Variants in CDH13 observed in about 807,000 individuals in gnomAD.
The protein encoded by CDH13 is cadherin-13.
In CDH13, 24 loss-of-function variants were observed where a neutral mutation model predicts 63.8. The ratio of observed to expected loss-of-function variants is 0.38; its 90% CI spans 0.27 to 0.53. The LOEUF is 0.53. Ranked by LOEUF, CDH13 falls within the 20% of genes least tolerant of loss-of-function variation. The pLI is 0.85. For missense variants in CDH13, 1,049 were observed against 903.1 expected, an observed-to-expected ratio of 1.16 and a Z score of -2.07; for synonymous variants, 503 against 355.3, an observed-to-expected ratio of 1.42 and a Z score of -4.67.
intron 2 of CDH13, among the ~76,000 whole-genome samples, chr16:82,995,279 G>C (rs921567388): frequency 1.3e-5 from 2 of 152,142 alleles, no homozygotes; most frequent in Non-Finnish European, 2.9e-5. Context: ...TGCTGGGCTC[G>C]TGGTCACTCA....
chr16:82,899,447 C>G (rs1165063965), intron 2 of CDH13, among the ~76,000 whole-genome samples: 2 of 152,158 alleles, frequency 1.3e-5, no homozygotes, highest in African/African-American at 4.8e-5. Flanking sequence ...TGGCACTTAA[C>G]TTTCAGAATC....
intron 1 of CDH13, among the ~76,000 whole-genome samples, chr16:82,674,732 G>A (rs1290952644): frequency 1.3e-5 from 2 of 152,186 alleles, no homozygotes; most frequent in African/African-American, 4.8e-5. Context: ...GTGGATGTTT[G>A]AGGTGGGGGC....
Position 83,015,677 on chromosome 16 carries a change from GTATATATATATATATATATA to G in CDH13, c.158-16306_158-16287del, listed in dbSNP as rs71148803. On this transcript the variant is annotated intron_variant, in intron 2 of 13. Coordinates refer to ENST00000567109, the MANE Select transcript of CDH13 (RefSeq NM_001257.5). ...CATATATGTGTGTGTGTGTGTGTAT[GTATATATATATATATATATA>G]TATATATATATATATATATATATAT... Among the ~76,000 whole-genome samples, 104 of 37,566 alleles carry G rather than the reference GTATATATATATATATATATA, an allele frequency of 2.8e-3. 7 individuals carry two copies. The highest frequency in any genetic ancestry group is 4.1e-3 in the Non-Finnish European group (85 of 20,610). The allele number at this position is 37,566 out of a possible 152,430, so 24.6% of individuals were successfully genotyped here.
chr16:83,677,408 C>T (rs1290644962), intron 9 of CDH13, among the ~76,000 whole-genome samples: 1 of 152,290 alleles, frequency 6.6e-6, no homozygotes, highest in Admixed American at 6.5e-5. Context: ...TGGGACTGTC[C>T]TGGGCATGGC....
intron 1 of CDH13, among the ~76,000 whole-genome samples, chr16:82,827,173 G>C (rs1323027497): frequency 6.6e-6 from 1 of 152,138 alleles, no homozygotes; most frequent in Non-Finnish European, 1.5e-5. Flanking sequence ...GTAAAATGTA[G>C]TTGTTGGACT....
At chr16:83,011,641 C>T (rs564865267) in intron 2 of CDH13, among the ~76,000 whole-genome samples, 66 of 152,294 alleles carry the variant, frequency 4.3e-4, no homozygotes, top group African/African-American at 1.2e-3. Context: ...AAGGTGAATG[C>T]CACTGAGGGT....
intron 2 of CDH13, among the ~76,000 whole-genome samples, chr16:83,013,323 G>A (rs1004478151): frequency 6.6e-6 from 1 of 152,134 alleles, no homozygotes; most frequent in African/African-American, 2.4e-5. Flanking sequence ...CTCCTGGTTT[G>A]GAGGCCTGAC....
intron 2 of CDH13, among the ~76,000 whole-genome samples, chr16:82,968,211 G>A (rs138648815): frequency 1.2e-3 from 183 of 152,216 alleles, no homozygotes; most frequent in African/African-American, 4.2e-3. Flanking sequence ...ATTGTCCACC[G>A]TTTGTCCAGT....
rs146407577 is a variant in CDH13, at chr16:82,812,763, GT to G, written c.46-45589del. On this transcript the variant is annotated intron_variant, in intron 1 of 13. Transcript: ENST00000567109. ...TGGAGGTGGATGTAGAGAAAACAAA[GT>G]TTTTTTTTTCTTTCTTTTTTATTTC... Among the ~76,000 whole-genome samples, 231 of 150,122 alleles carry G rather than the reference GT, an allele frequency of 1.5e-3. 2 individuals carry two copies. The highest frequency in any genetic ancestry group is 5.1e-3 in the South Asian group (24 of 4,728).
At chr16:83,210,674 T>C (rs1312817493) in intron 4 of CDH13, among the ~76,000 whole-genome samples, 1 of 151,880 alleles carries the variant, frequency 6.6e-6, no homozygotes, top group Non-Finnish European at 1.5e-5. Flanking sequence ...TTGCAGAACT[T>C]GGCAACTCTG....
chr16:83,794,373 C>G (rs1386318382), intron 13 of CDH13, among the ~76,000 whole-genome samples: 2 of 151,786 alleles, frequency 1.3e-5, no homozygotes, highest in African/African-American at 2.4e-5. Flanking sequence ...GACAACATGG[C>G]GAAACTCCAT....
intron 8 of CDH13, among the ~76,000 whole-genome samples, chr16:83,646,724 C>CACAT (rs1161304727): frequency 2.1e-5 from 3 of 142,956 alleles, no homozygotes; most frequent in Non-Finnish European, 3.1e-5. Flanking sequence ...CACACACACA[C>CACAT]ACACACACAC....
chr16:82,838,943 G>C (rs1449872613), intron 1 of CDH13, among the ~76,000 whole-genome samples: 1 of 152,206 alleles, frequency 6.6e-6, no homozygotes, highest in African/African-American at 2.4e-5. Flanking sequence ...TTCAGACATT[G>C]CAGGCCATCC....
intron 6 of CDH13, among the ~76,000 whole-genome samples, chr16:83,458,941 C>G (rs992000365): frequency 6.6e-6 from 1 of 152,212 alleles, no homozygotes; most frequent in Admixed American, 6.5e-5. Context: ...TATTATTATG[C>G]AAAAGCAGTG....
Position 83,438,379 on chromosome 16 carries a change from C to T in CDH13, c.782-48098C>T, listed in dbSNP as rs560870270. On this transcript the variant is annotated intron_variant, in intron 6 of 13. Transcript: ENST00000567109. Reference sequence around the variant, plus strand: ...GCACCAGGTGTATATTGCTGACTTACCTTCCTGTAGGTTGATTTAGGAATT... The same window carrying T: ...GCACCAGGTGTATATTGCTGACTTATCTTCCTGTAGGTTGATTTAGGAATT... Among the ~76,000 whole-genome samples, 19 of 152,338 alleles carry T rather than the reference C, an allele frequency of 1.2e-4. No individual in the cohort carries two copies. The South Asian group carries it at 2.7e-3, about 22-fold the overall frequency.
Position 83,508,385 on chromosome 16 carries a change from G to A in CDH13, c.960+21730G>A, listed in dbSNP as rs139736497. 234 of 154,442 alleles carry A rather than the reference G, an allele frequency of 1.5e-3. 1 individual carries two copies. Among genetic ancestry groups the A allele is most frequent in the African/African-American group, 5.4e-3 (223 of 41,578 alleles). The allele number at this position is 154,442 out of a possible 1,614,324, so 9.6% of individuals were successfully genotyped here. A position where few individuals can be genotyped will look rare whatever the true frequency, so the allele number is the denominator to read the frequency against. On this transcript the variant is annotated intron_variant, in intron 7 of 13. Transcript: ENST00000567109. ...GTAGTCCGTGCATCCGCCCTTCGATGCTTGGGTTGGATCATAGAGCAGTGA... is the reference window on the plus strand; with the variant it reads ...GTAGTCCGTGCATCCGCCCTTCGATACTTGGGTTGGATCATAGAGCAGTGA...
At chr16:83,374,167 G>C (rs2091421660) in intron 6 of CDH13, among the ~76,000 whole-genome samples, 1 of 152,172 alleles carries the variant, frequency 6.6e-6, no homozygotes. Context: ...ACCTGATGGA[G>C]CAAAGTCTTA....
chr16:82,666,976 G>A (rs906890432), intron 1 of CDH13, among the ~76,000 whole-genome samples: 1 of 152,152 alleles, frequency 6.6e-6, no homozygotes, highest in Non-Finnish European at 1.5e-5. Flanking sequence ...AATGGGTCCA[G>A]TTCCTGTTCT....
At chr16:83,202,449 T>C (rs1007275807) in intron 4 of CDH13, among the ~76,000 whole-genome samples, 1 of 152,082 alleles carries the variant, frequency 6.6e-6, no homozygotes, top group African/African-American at 2.4e-5. Flanking sequence ...CAGGGCATGA[T>C]CCAATTGGAA....
Sources: allele counts gnomAD v4.1 joint callset (sites outside exome capture counted in the v4.1 genomes callset), GRCh38; gene constraint gnomAD v4.1.1; transcripts MANE v1.5; gene names NCBI Gene and HGNC (gene_info 2026-07-23, HGNC 2026-07-21).